Variants in PCDHA12 observed in about 807,000 individuals in gnomAD.
The protein encoded by PCDHA12 is protocadherin alpha 12.
Under a neutral mutation model 60.0 loss-of-function variants are expected in PCDHA12, and 44 were observed. That is an observed-to-expected ratio of 0.73 (90% CI 0.58 to 0.94). The LOEUF (loss-of-function observed/expected upper bound fraction) is 0.94, where lower values mean the gene tolerates loss of function less well. Among genes scored for constraint, PCDHA12 ranks in the 40% least tolerant of loss-of-function variants. The pLI is 0.00. For missense variants in PCDHA12, 1,276 were observed against 1,239.7 expected (o/e 1.03, Z -0.44); for synonymous variants, 569 against 553.0 (o/e 1.03, Z -0.40).
intron 1 of PCDHA12, among the ~76,000 whole-genome samples, chr5:140,941,214 CCTTTCTTTCTTTCTTT>C (rs60032403): frequency 8.2e-6 from 1 of 122,414 alleles, no homozygotes; most frequent in East Asian, 2.3e-4. Context: ...TTTCTTTCTT[CCTTTCTTTCTTTCTTT>C]CTTTCTTTCT....
chr5:140,939,787 C>G (rs1486449192), intron 1 of PCDHA12, among the ~76,000 whole-genome samples: 2 of 152,180 alleles, frequency 1.3e-5, no homozygotes, highest in African/African-American at 2.4e-5. Flanking sequence ...TGGTCAATTT[C>G]TATAAATGTT....
intron 1 of PCDHA12, among the ~76,000 whole-genome samples, chr5:140,952,331 T>G (rs1302386893): frequency 1.8e-5 from 2 of 112,488 alleles, no homozygotes; most frequent in African/African-American, 7.8e-5. Context: ...AGAGTGAAAC[T>G]CCATCTCAAA....
At chr5:140,982,241 T>G in intron 2 of PCDHA12, 1 of 696,668 alleles carries the variant, frequency 1.4e-6, no homozygotes, top group South Asian at 3.3e-5. Context: ...AGAATTGCCA[T>G]AAAGATAGAA....
chr5:140,893,050 A>T (rs967159859), intron 1 of PCDHA12, among the ~76,000 whole-genome samples: 1 of 152,248 alleles, frequency 6.6e-6, no homozygotes, highest in Non-Finnish European at 1.5e-5. Context: ...CTCCAGGCTC[A>T]GCCATACTGC....
At chr5:140,967,649 T>C in intron 1 of PCDHA12, 1 of 1,614,132 alleles carries the variant, frequency 6.2e-7, no homozygotes. Context: ...GCTCAGGTAC[T>C]CCTTGAGCAG....
At chr5:140,886,827 GAAAAAAA>G (rs782016620) in intron 1 of PCDHA12, among the ~76,000 whole-genome samples, 7 of 60,890 alleles carry the variant, frequency 1.1e-4, no homozygotes, top group African/African-American at 4.2e-4. Context: ...ACTTCGTCTT[GAAAAAAA>G]AAAAAAAAAA....
rs1662783035 is a variant in PCDHA12 at position 140,877,152 on chromosome 5, C to A, written c.1680C>A (p.Asp560Glu). The change falls in exon 1 of 4, where the codon GAC becomes GAA. Residue 560 changes from aspartate to glutamate, a missense_variant. Asp to Glu is a conservative substitution (Grantham distance 45). Transcript: ENST00000398631. ...TLQVFVLDEN[D>E]NAPALLATPA... ...AGGTGTTCGTGCTGGACGAGAACGA[C>A]AACGCGCCGGCACTGCTGGCGACTC... is the stretch of plus-strand genomic sequence containing the variant. 6.2e-7 allele frequency: 1 copy of A among 1,613,688 alleles called. No individual in the cohort carries two copies. Among genetic ancestry groups the A allele is most frequent in the Non-Finnish European group, 8.5e-7 (1 of 1,179,866 alleles).
intron 3 of PCDHA12, among the ~76,000 whole-genome samples, chr5:141,005,899 A>G (rs2098245270): frequency 6.6e-6 from 1 of 151,978 alleles, no homozygotes; most frequent in East Asian, 1.9e-4. Flanking sequence ...TCAAGCAATG[A>G]TTGCACCACT....
chr5:140,989,745 C>A (rs1554251059), intron 3 of PCDHA12, among the ~76,000 whole-genome samples: 2 of 152,154 alleles, frequency 1.3e-5, no homozygotes, highest in African/African-American at 4.8e-5. Context: ...ATTGCCTAAT[C>A]TGGAGAAACA....
chr5:140,976,814 A>G (rs1276394910), intron 1 of PCDHA12, among the ~76,000 whole-genome samples: 1 of 152,242 alleles, frequency 6.6e-6, no homozygotes, highest in East Asian at 1.9e-4. Flanking sequence ...GAAGATATGC[A>G]TGTGTCTAAT....
At chr5:140,906,966 G>A (rs1401949243) in intron 1 of PCDHA12, among the ~76,000 whole-genome samples, 5 of 152,120 alleles carry the variant, frequency 3.3e-5, no homozygotes, top group African/African-American at 1.2e-4. Context: ...TGGAATCGTG[G>A]TTGTGTCTTC....
chr5:140,897,722 T>A (rs1236534951), intron 1 of PCDHA12, among the ~76,000 whole-genome samples: 1 of 152,162 alleles, frequency 6.6e-6, no homozygotes, highest in African/African-American at 2.4e-5. Flanking sequence ...GATGGCTGGG[T>A]CAAATAGTAT....
rs536794003 is a variant in PCDHA12, at chr5:140,982,215, G to A, written c.2427-260G>A. Reference sequence around the variant, plus strand: ...CTGTTAGATTTAGTGAGCGCCACATGGCGTTAATAAAAAACAGAATTGCCA... The same window carrying A: ...CTGTTAGATTTAGTGAGCGCCACATAGCGTTAATAAAAAACAGAATTGCCA... On this transcript the variant is annotated intron_variant, in intron 2 of 3. Coordinates refer to ENST00000398631, the MANE Select transcript of PCDHA12 (RefSeq NM_018903.4). The A allele has an allele frequency of 2.0e-5, 10 of 491,624 alleles. No individual in the cohort carries two copies. In the South Asian group the frequency reaches 3.6e-4, roughly 18 times the overall value. The allele number at this position is 491,624 out of a possible 1,614,324, so 30.5% of individuals were successfully genotyped here. A position where few individuals can be genotyped will look rare whatever the true frequency, so the allele number is the denominator to read the frequency against.
chr5:140,975,623 A>G (rs2096675265), intron 1 of PCDHA12, among the ~76,000 whole-genome samples: 1 of 152,244 alleles, frequency 6.6e-6, no homozygotes, highest in Admixed American at 6.5e-5. Flanking sequence ...ATGGATTTCC[A>G]TGGTACGAAG....
chr5:140,997,834 C>T (rs1385482729), intron 3 of PCDHA12, among the ~76,000 whole-genome samples: 2 of 152,106 alleles, frequency 1.3e-5, no homozygotes, highest in Non-Finnish European at 2.9e-5. Context: ...CTAAACAATA[C>T]AATATACATT....
intron 1 of PCDHA12, among the ~76,000 whole-genome samples, chr5:140,902,647 G>A (rs1286700570): frequency 6.6e-6 from 1 of 150,932 alleles, no homozygotes; most frequent in African/African-American, 2.4e-5. Context: ...CTGAGATTTT[G>A]GTGCACCTGT....
At chr5:140,926,204 G>C (rs888951769) in intron 1 of PCDHA12, among the ~76,000 whole-genome samples, 1 of 151,802 alleles carries the variant, frequency 6.6e-6, no homozygotes, top group South Asian at 2.2e-4. Context: ...CTTTCGGGGG[G>C]CTCCTGTTTC....
At chr5:140,996,697 C>T (rs559736986) in intron 3 of PCDHA12, among the ~76,000 whole-genome samples, 1 of 152,236 alleles carries the variant, frequency 6.6e-6, no homozygotes, top group East Asian at 1.9e-4. Flanking sequence ...TCTTCTGAAC[C>T]TCTATCTCTT....
intron 1 of PCDHA12, among the ~76,000 whole-genome samples, chr5:140,960,597 C>G (rs1315375637): frequency 1.3e-5 from 2 of 152,092 alleles, no homozygotes; most frequent in Non-Finnish European, 2.9e-5. Flanking sequence ...ATTCAAGGTA[C>G]TTCAACAATA....
Sources: allele counts gnomAD v4.1 joint callset (sites outside exome capture counted in the v4.1 genomes callset), GRCh38; gene constraint gnomAD v4.1.1; transcripts MANE v1.5; gene names NCBI Gene and HGNC (gene_info 2026-07-23, HGNC 2026-07-21).